ZNF536: variants seen among roughly 807,000 people sequenced by gnomAD.
ZNF536 encodes the protein zinc finger protein 536.
ZNF536 carries 13 observed loss-of-function variants against 84.5 expected under a neutral mutation model. That is an observed-to-expected ratio of 0.15 (90% CI 0.10 to 0.24). ZNF536 has a LOEUF of 0.24. Among genes scored for constraint, ZNF536 ranks in the 10% least tolerant of loss-of-function variants. The probability of loss-of-function intolerance (pLI) is 1.00; values close to 1 mark genes in which losing one functional copy is unlikely to be tolerated. For missense variants in ZNF536, 1,536 were observed against 1,747.5 expected (o/e 0.88, Z 2.16); for synonymous variants, 811 against 742.5 (o/e 1.09, Z -1.50).
At chr19:30,453,756 G>A (rs998266454) in intron 2 of ZNF536, among the ~76,000 whole-genome samples, 1 of 152,342 alleles carries the variant, frequency 6.6e-6, no homozygotes, top group African/African-American at 2.4e-5. Context: ...TGGGCAAAAC[G>A]GGGGCCATGC....
intron 1 of ZNF536, among the ~76,000 whole-genome samples, chr19:30,593,790 T>A (rs1249785405): frequency 6.6e-6 from 1 of 152,222 alleles, no homozygotes; most frequent in Non-Finnish European, 1.5e-5. Context: ...GTATCAAGGC[T>A]ATCTCCTTGG....
intron 1 of ZNF536, among the ~76,000 whole-genome samples, chr19:30,637,440 A>C (rs1406841696): frequency 5.9e-5 from 9 of 152,214 alleles, no homozygotes; most frequent in Non-Finnish European, 8.8e-5. Flanking sequence ...AACTCTTTCC[A>C]AAGAACTCTT....
intron 1 of ZNF536, among the ~76,000 whole-genome samples, chr19:30,661,655 A>C (rs909035926): frequency 2.0e-5 from 3 of 152,230 alleles, no homozygotes; most frequent in Non-Finnish European, 4.4e-5. Flanking sequence ...ATCCTTTATA[A>C]TGAGGGGAAA....
chr19:30,328,389 C>G lies in ZNF536; in HGVS notation c.-119-23979C>G, dbSNP rs1360320771. Among the ~76,000 whole-genome samples, 3 of 152,126 alleles carry G rather than the reference C, an allele frequency of 2.0e-5. No individual in the cohort carries two copies. In the East Asian group the frequency reaches 5.8e-4, roughly 29 times the overall value. On this transcript the variant is annotated intron_variant, in intron 2 of 5. Transcript: ENST00000585628. The stretch of plus-strand genomic sequence containing the variant: ...CTATCACAGCAAAAGCTCTGCAGCC[C>G]CTGACAAGGCAGAAGAGGAACTCAT...
intron 1 of ZNF536, among the ~76,000 whole-genome samples, chr19:30,273,602 G>C (rs986194697): frequency 2.0e-5 from 3 of 152,130 alleles, no homozygotes; most frequent in African/African-American, 7.2e-5. Context: ...TCTTACTGTT[G>C]AGTTTTAAGA....
chr19:30,429,890 C>G (rs940498434), intron 1 of ZNF536, among the ~76,000 whole-genome samples: 1 of 152,074 alleles, frequency 6.6e-6, no homozygotes, highest in Non-Finnish European at 1.5e-5. Context: ...TTAGTTCAAC[C>G]AGAATTTGTA....
At chr19:30,376,240 A>G (rs902231491) in intron 1 of ZNF536, among the ~76,000 whole-genome samples, 3 of 151,840 alleles carry the variant, frequency 2.0e-5, no homozygotes, top group Admixed American at 6.6e-5. Context: ...CTCTCCCCCA[A>G]TCCCTATACA....
At chr19:30,503,261 A>G (rs1216656684) in intron 2 of ZNF536, among the ~76,000 whole-genome samples, 1 of 152,232 alleles carries the variant, frequency 6.6e-6, no homozygotes, top group Non-Finnish European at 1.5e-5. Context: ...TGAAGGGTTA[A>G]TATTCCTGGT....
At position 30,329,468 on chromosome 19, in the gene ZNF536, A is replaced by G. The variant is rs533310024; in HGVS notation, c.-119-22900A>G. Among the ~76,000 whole-genome samples the G allele has an allele frequency of 2.6e-5, 4 of 152,280 alleles. No individual in the cohort carries two copies. In the East Asian group the frequency reaches 5.8e-4, roughly 22 times the overall value. On this transcript the variant is annotated intron_variant, in intron 2 of 5. Transcript: ENST00000585628. ...TACAGAATATCTGCTTAGAGCTAGA[A>G]CCTTCAAAGGAGTTAAGTTTTTGGA...
At chr19:30,558,992 C>T (rs1296815346), downstream of ZNF536, among the ~76,000 whole-genome samples, 2 of 152,222 alleles carry the variant, frequency 1.3e-5, no homozygotes, top group Admixed American at 6.5e-5. Context: ...ACAATTGCAT[C>T]ACCCTAGCTG....
chr19:30,431,544 C>A (rs151273999), intron 1 of ZNF536, among the ~76,000 whole-genome samples: 200 of 152,324 alleles, frequency 1.3e-3, no homozygotes, highest in African/African-American at 4.7e-3. Flanking sequence ...AAAATCAAGC[C>A]CCCTTTGATC....
chr19:30,496,284 T>G (rs547601774), intron 2 of ZNF536, among the ~76,000 whole-genome samples: 110 of 152,306 alleles, frequency 7.2e-4, no homozygotes, highest in African/African-American at 2.5e-3. Flanking sequence ...TTGTCAAACT[T>G]CCACCCATCT....
At chr19:30,690,822 A>G (rs567143992) in intron 1 of ZNF536, among the ~76,000 whole-genome samples, 1 of 152,186 alleles carries the variant, frequency 6.6e-6, no homozygotes, top group South Asian at 2.1e-4. Flanking sequence ...CAGCTGTCCC[A>G]TTCTTAAAAC....
At chr19:30,618,827 A>G (rs376263334) in intron 1 of ZNF536, among the ~76,000 whole-genome samples, 2 of 152,184 alleles carry the variant, frequency 1.3e-5, no homozygotes, top group African/African-American at 4.8e-5. Context: ...AAAATGCTCC[A>G]GGATTTTCTA....
At chr19:30,599,115 C>T (rs534054442) in intron 1 of ZNF536, among the ~76,000 whole-genome samples, 152 of 133,684 alleles carry the variant, frequency 1.1e-3, no homozygotes, top group Middle Eastern at 3.7e-3. Context: ...TCCTCCCTCC[C>T]TCCCTCTCTC....
chr19:30,490,575 A>G (rs2054468307), intron 2 of ZNF536, among the ~76,000 whole-genome samples: 1 of 152,034 alleles, frequency 6.6e-6, no homozygotes, highest in Non-Finnish European at 1.5e-5. Flanking sequence ...CACTTAGATA[A>G]AGAAACTTCC....
rs375461433 is a variant in ZNF536 at position 30,484,390 on chromosome 19, CT to C, written c.2170+38677del. On this transcript the variant is annotated intron_variant, in intron 2 of 4. Transcript: ENST00000355537. ...TACAGGCACCCACCGTCATGCCCAG[CT>C]TTTTTTTTTTTTTTTTTTGTATTTT... Among the ~76,000 whole-genome samples, 567 of 117,410 alleles carry C rather than the reference CT, an allele frequency of 4.8e-3. 1 individual carries two copies. Among genetic ancestry groups the C allele is most frequent in the African/African-American group, 0.012 (344 of 27,804 alleles). 77.0% of individuals were successfully genotyped at this position (117,410 alleles called of 152,430 possible). A position where few individuals can be genotyped will look rare whatever the true frequency, so the allele number is the denominator to read the frequency against.
chr19:30,567,689 C>T (rs1432058542), intron 1 of ZNF536, among the ~76,000 whole-genome samples: 3 of 152,256 alleles, frequency 2.0e-5, no homozygotes, highest in East Asian at 1.9e-4. Flanking sequence ...GCGACAGCAG[C>T]GGAGGTCAGA....
chr19:30,656,504 A>G (rs994303531), intron 1 of ZNF536, among the ~76,000 whole-genome samples: 2 of 152,188 alleles, frequency 1.3e-5, no homozygotes, highest in African/African-American at 2.4e-5. Flanking sequence ...GCCCTGTGCA[A>G]CGATGCTCAT....
Sources: allele counts gnomAD v4.1 joint callset (sites outside exome capture counted in the v4.1 genomes callset), GRCh38; gene constraint gnomAD v4.1.1; transcripts MANE v1.5; gene names NCBI Gene and HGNC (gene_info 2026-07-23, HGNC 2026-07-21).